UMAD1: variants seen among roughly 807,000 people sequenced by gnomAD.
UMAD1 encodes UBAP1-MVB12-associated (UMA)-domain containing protein 1.
In UMAD1, 8 loss-of-function variants were observed where a neutral mutation model predicts 6.1. The ratio of observed to expected loss-of-function variants is 1.30; its 90% confidence interval spans 0.76 to 2.35. UMAD1 has a LOEUF of 2.35. Ranked by LOEUF, UMAD1 falls within the 30% of genes most tolerant of loss-of-function variation. UMAD1 has a pLI of 0.00. For synonymous variants in UMAD1, 56 were observed against 31.4 expected (o/e 1.78, Z -2.61); for missense variants, 130 against 78.4 (o/e 1.66, Z -2.49).
At chr7:7,669,265 A>G (rs1172453026) in intron 1 of UMAD1, among the ~76,000 whole-genome samples, 1 of 152,130 alleles carries the variant, frequency 6.6e-6, no homozygotes, top group Non-Finnish European at 1.5e-5. Flanking sequence ...GTATTTTGAT[A>G]TAGGGTCTGA....
chr7:7,667,517 G>GT (rs1779496065), intron 1 of UMAD1, among the ~76,000 whole-genome samples: 2 of 152,072 alleles, frequency 1.3e-5, no homozygotes, highest in Non-Finnish European at 2.9e-5. Context: ...AGAGGTTGCA[G>GT]TTTTTTTTCC....
rs149862958 is a variant in UMAD1 at position 7,686,287 on chromosome 7, A to C, written c.82+12834A>C. On this transcript the variant is annotated intron_variant, in intron 2 of 3. Coordinates refer to ENST00000682710, the MANE Select transcript of UMAD1 (RefSeq NM_001302348.2). Reference sequence around the variant, plus strand: ...ATAGAGAGGGTGTATCAGGGCCACTATTGGGAAGTGTGTCCAGAAACATGG... The same window carrying C: ...ATAGAGAGGGTGTATCAGGGCCACTCTTGGGAAGTGTGTCCAGAAACATGG... Among the ~76,000 whole-genome samples, 771 of 152,268 alleles carry C rather than the reference A, an allele frequency of 5.1e-3. 8 individuals are homozygous for C. The highest frequency in any genetic ancestry group is 0.018 in the African/African-American group (732 of 41,564).
intron 2 of UMAD1, among the ~76,000 whole-genome samples, chr7:7,765,926 C>T (rs929611514): frequency 6.6e-6 from 1 of 151,984 alleles, no homozygotes; most frequent in Non-Finnish European, 1.5e-5. Flanking sequence ...TTATTAATTT[C>T]TTAGTCAACA....
intron 2 of UMAD1, among the ~76,000 whole-genome samples, chr7:7,701,283 G>T (rs7800009): frequency 0.075 from 11,435 of 152,188 alleles, 466 homozygotes; most frequent in Middle Eastern, 0.12. Flanking sequence ...TAAATTTGTG[G>T]CTGAGAAAGT....
intron 2 of UMAD1, among the ~76,000 whole-genome samples, chr7:7,717,490 A>G (rs1000745530): frequency 6.6e-6 from 1 of 152,208 alleles, no homozygotes; most frequent in Non-Finnish European, 1.5e-5. Context: ...AGAAGTATTT[A>G]CTTTATTAAA....
intron 2 of UMAD1, among the ~76,000 whole-genome samples, chr7:7,800,277 C>A (rs1782772104): frequency 6.6e-6 from 1 of 152,168 alleles, no homozygotes; most frequent in Non-Finnish European, 1.5e-5. Flanking sequence ...CCCTGCCCAA[C>A]AATAATAATG....
intron 2 of UMAD1, among the ~76,000 whole-genome samples, chr7:7,759,378 C>T (rs1190579091): frequency 2.0e-5 from 3 of 152,162 alleles, no homozygotes; most frequent in Non-Finnish European, 4.4e-5. Flanking sequence ...TGCTGGGTCA[C>T]CTTCATCCGG....
chr7:7,695,981 GTTTT>G (rs34880729), intron 2 of UMAD1, among the ~76,000 whole-genome samples: 8 of 130,734 alleles, frequency 6.1e-5, no homozygotes, highest in Admixed American at 4.7e-4. Context: ...GTATATCTCC[GTTTT>G]TTTTTTTTTT....
At chr7:7,775,273 C>G (rs1425862259) in intron 2 of UMAD1, among the ~76,000 whole-genome samples, 3 of 152,150 alleles carry the variant, frequency 2.0e-5, no homozygotes, top group African/African-American at 7.2e-5. Flanking sequence ...TTGGCTGTGT[C>G]TCTACCCAAA....
intron 1 of UMAD1, among the ~76,000 whole-genome samples, chr7:7,665,403 C>T (rs1779418412): frequency 6.6e-6 from 1 of 152,080 alleles, no homozygotes; most frequent in Admixed American, 6.5e-5. Flanking sequence ...AAACATTTTG[C>T]TTTTTATATA....
intron 2 of UMAD1, among the ~76,000 whole-genome samples, chr7:7,677,654 C>T (rs555764293): frequency 5.1e-5 from 7 of 136,024 alleles, no homozygotes; most frequent in Non-Finnish European, 9.5e-5. Context: ...ATCTATTCAT[C>T]TGTTTTTTTG....
At chr7:7,728,879 C>T (rs1781194446) in intron 2 of UMAD1, among the ~76,000 whole-genome samples, 1 of 152,124 alleles carries the variant, frequency 6.6e-6, no homozygotes, top group African/African-American at 2.4e-5. Context: ...CTTTGCTGGG[C>T]ATTAGGAATG....
intron 3 of UMAD1, among the ~76,000 whole-genome samples, chr7:7,816,020 T>G (rs369379195): frequency 6.6e-6 from 1 of 151,966 alleles, no homozygotes; most frequent in African/African-American, 2.4e-5. Flanking sequence ...GGACAAGAAA[T>G]AAAGAAGGAC....
intron 3 of UMAD1, among the ~76,000 whole-genome samples, chr7:7,806,138 C>G (rs1782908506): frequency 6.6e-6 from 1 of 152,174 alleles, no homozygotes; most frequent in Non-Finnish European, 1.5e-5. Flanking sequence ...CAAATATCTT[C>G]CAAATGTGGT....
At chr7:7,775,218 G>T (rs1782179656) in intron 2 of UMAD1, among the ~76,000 whole-genome samples, 1 of 152,186 alleles carries the variant, frequency 6.6e-6, no homozygotes, top group Non-Finnish European at 1.5e-5. Context: ...GTAGTTATTA[G>T]GGAAATGTAA....
chr7:7,747,217 A>G (rs187793950), intron 2 of UMAD1, among the ~76,000 whole-genome samples: 1 of 152,336 alleles, frequency 6.6e-6, no homozygotes, highest in East Asian at 1.9e-4. Context: ...ACAGGAGAAC[A>G]GAAATTGTTT....
chr7:7,781,470 G>T (rs984842069), intron 2 of UMAD1, among the ~76,000 whole-genome samples: 1 of 151,620 alleles, frequency 6.6e-6, no homozygotes, highest in Non-Finnish European at 1.5e-5. Flanking sequence ...TTACATTAAT[G>T]TGGAAAAAAA....
chr7:7,790,771 G>A (rs1454735277), intron 2 of UMAD1, among the ~76,000 whole-genome samples: 1 of 152,142 alleles, frequency 6.6e-6, no homozygotes, highest in Non-Finnish European at 1.5e-5. Flanking sequence ...AAACCAACCA[G>A]CTTCTGCATT....
chr7:7,834,573 C>T (rs1204916659), intron 3 of UMAD1, among the ~76,000 whole-genome samples: 1 of 151,678 alleles, frequency 6.6e-6, no homozygotes, highest in African/African-American at 2.4e-5. Flanking sequence ...TGATGAAGAA[C>T]CCCTTCATGG....
Sources: allele counts gnomAD v4.1 joint callset (sites outside exome capture counted in the v4.1 genomes callset), GRCh38; gene constraint gnomAD v4.1.1; transcripts MANE v1.5; gene names NCBI Gene and HGNC (gene_info 2026-07-23, HGNC 2026-07-21).